Variants in CADPS observed in about 807,000 individuals in gnomAD.
CADPS encodes calcium-dependent secretion activator 1.
A neutral mutation model predicts 167.3 loss-of-function variants in CADPS; 57 were observed. That is an observed-to-expected ratio of 0.34 (90% confidence interval 0.28 to 0.42). CADPS has a LOEUF of 0.42. Ranked by LOEUF, CADPS falls within the 20% of genes least tolerant of loss-of-function variation. CADPS has a pLI of 1.00. For synonymous variants in CADPS, 676 were observed against 635.3 expected, an observed-to-expected ratio of 1.06 and a Z score of -0.96; for missense variants, 1,414 against 1,738.1, an observed-to-expected ratio of 0.81 and a Z score of 3.32.
intron 4 of CADPS, among the ~76,000 whole-genome samples, chr3:62,651,892 G>A (rs554040632): frequency 1.2e-3 from 153 of 132,434 alleles, no homozygotes; most frequent in South Asian, 2.6e-3. Flanking sequence ...AAGTCAGTTT[G>A]ACATTTTTAT....
At chr3:62,779,427 G>A in intron 1 of CADPS, 1 of 504,688 alleles carries the variant, frequency 2.0e-6, no homozygotes, top group South Asian at 1.7e-5. Flanking sequence ...TTTCATTCTT[G>A]ATTATTCTGT....
intron 1 of CADPS, among the ~76,000 whole-genome samples, chr3:62,797,681 GGA>G (rs561363527): frequency 1.6e-4 from 24 of 152,120 alleles, no homozygotes; most frequent in Admixed American, 4.6e-4. Context: ...AAAGGTGGGA[GGA>G]GAGAGAGGAT....
At chr3:62,744,177 T>C (rs1307348265) in intron 3 of CADPS, among the ~76,000 whole-genome samples, 1 of 152,116 alleles carries the variant, frequency 6.6e-6, no homozygotes, top group Non-Finnish European at 1.5e-5. Flanking sequence ...GCATATAAAG[T>C]ATTAGGCTTA....
chr3:62,459,009 A>G (rs975390989), intron 26 of CADPS, among the ~76,000 whole-genome samples: 1 of 152,198 alleles, frequency 6.6e-6, no homozygotes, highest in African/African-American at 2.4e-5. Flanking sequence ...CATGGCATCA[A>G]CTGGAAATAA....
chr3:62,416,891 G>T (rs893845447), intron 28 of CADPS, among the ~76,000 whole-genome samples: 1 of 150,878 alleles, frequency 6.6e-6, no homozygotes, highest in Non-Finnish European at 1.5e-5. Context: ...TTCTGAGACA[G>T]GGTCTTACTC....
chr3:62,623,469 A>G (rs2063490430), intron 6 of CADPS, among the ~76,000 whole-genome samples: 1 of 152,210 alleles, frequency 6.6e-6, no homozygotes, highest in South Asian at 2.1e-4. Context: ...TTGAATCATT[A>G]AAATCAAGTC....
At chr3:62,460,179 G>T (rs2059161439) in intron 26 of CADPS, among the ~76,000 whole-genome samples, 1 of 152,140 alleles carries the variant, frequency 6.6e-6, no homozygotes, top group African/African-American at 2.4e-5. Flanking sequence ...AATTAAATCA[G>T]TTGCATAGAC....
rs967831379 is a variant in CADPS at position 62,544,325 on chromosome 3, T to C, written c.1966+5578A>G. Among the ~76,000 whole-genome samples the C allele has an allele frequency of 6.6e-6, 1 of 152,152 alleles. No homozygotes were observed. Among genetic ancestry groups the C allele is most frequent in the African/African-American group, 2.4e-5 (1 of 41,454 alleles). Reference sequence around the variant, plus strand: ...GCAATTTCTTCTAGTCTTGCTCAGTTAACAACTCTGGGTTTCCTACCCCAC... The same window carrying C: ...GCAATTTCTTCTAGTCTTGCTCAGTCAACAACTCTGGGTTTCCTACCCCAC... On this transcript the variant is annotated intron_variant, in intron 11 of 29. Coordinates refer to ENST00000383710, the MANE Select transcript of CADPS (RefSeq NM_003716.4). The surrounding 1 kb of genome is among the most constrained non-coding windows in gnomAD (Gnocchi z 4.4).
intron 1 of CADPS, among the ~76,000 whole-genome samples, chr3:62,853,662 T>C (rs912854305): frequency 1.7e-4 from 25 of 144,728 alleles, no homozygotes; most frequent in Non-Finnish European, 6.0e-5. Flanking sequence ...AAAGAAAGCA[T>C]CTAAAACATA....
intron 3 of CADPS, among the ~76,000 whole-genome samples, chr3:62,734,847 C>T (rs1303549219): frequency 2.0e-5 from 3 of 152,032 alleles, no homozygotes; most frequent in East Asian, 1.9e-4. Flanking sequence ...TTTATCCTCC[C>T]CATAGCAATG....
chr3:62,426,751 A>G (rs1206415336), intron 28 of CADPS, among the ~76,000 whole-genome samples: 1 of 152,158 alleles, frequency 6.6e-6, no homozygotes, highest in Non-Finnish European at 1.5e-5. Context: ...TCTGCTCGAT[A>G]TAAAGAAACA....
At chr3:62,579,063 C>A (rs992242383) in intron 8 of CADPS, among the ~76,000 whole-genome samples, 2 of 152,166 alleles carry the variant, frequency 1.3e-5, no homozygotes, top group African/African-American at 4.8e-5. Flanking sequence ...AAACTGTATT[C>A]CTTTTGAAGT....
At chr3:62,808,898 A>G (rs932187547) in intron 1 of CADPS, among the ~76,000 whole-genome samples, 3 of 152,148 alleles carry the variant, frequency 2.0e-5, no homozygotes, top group East Asian at 1.9e-4. Flanking sequence ...GGACTTTTCC[A>G]TCCTAAACCT....
chr3:62,585,926 T>C (rs1376458724), intron 7 of CADPS, among the ~76,000 whole-genome samples: 1 of 152,216 alleles, frequency 6.6e-6, no homozygotes. Context: ...AAAGCACACA[T>C]GACTTGAAGA....
chr3:62,848,081 A>T (rs113199307), intron 1 of CADPS, among the ~76,000 whole-genome samples: 3,397 of 121,644 alleles, frequency 0.028, 24 homozygotes, highest in Non-Finnish European at 0.033. Flanking sequence ...TGTCTTCTTT[A>T]GAGAAGTGTC....
intron 13 of CADPS, among the ~76,000 whole-genome samples, chr3:62,532,383 G>T (rs1428784433): frequency 6.6e-6 from 1 of 152,166 alleles, no homozygotes; most frequent in African/African-American, 2.4e-5. Context: ...ATGTGTATCA[G>T]AGTGACTGAC....
chr3:62,812,844 C>T (rs538604268), intron 1 of CADPS, among the ~76,000 whole-genome samples: 1 of 152,218 alleles, frequency 6.6e-6, no homozygotes, highest in South Asian at 2.1e-4. Context: ...TGTGTAAGAC[C>T]CTTTTAGTTA....
At chr3:62,795,545 T>C (rs1236086800) in intron 1 of CADPS, among the ~76,000 whole-genome samples, 2 of 152,226 alleles carry the variant, frequency 1.3e-5, no homozygotes, top group African/African-American at 4.8e-5. Flanking sequence ...CTTGTATTTT[T>C]AAGGTCCATC....
intron 4 of CADPS, among the ~76,000 whole-genome samples, chr3:62,652,399 CAAAAA>C (rs57075270): frequency 0.027 from 3,299 of 120,158 alleles, 88 homozygotes; most frequent in African/African-American, 0.1. Context: ...TCTGTGTGGC[CAAAAA>C]AAAAAAAAAA....
Sources: allele counts gnomAD v4.1 joint callset (sites outside exome capture counted in the v4.1 genomes callset), GRCh38; gene constraint gnomAD v4.1.1; non-coding constraint Gnocchi (gnomAD v3.1); transcripts MANE v1.5; gene names NCBI Gene and HGNC (gene_info 2026-07-23, HGNC 2026-07-21).